The following PXDN variants were observed in gnomAD, a reference collection of about 807,000 sequenced individuals.
The protein encoded by PXDN is peroxidasin.
In PXDN, 77 loss-of-function variants were observed where a neutral mutation model predicts 140.3. The observed-to-expected ratio is 0.55, with a 90% confidence interval of 0.46 to 0.66. The LOEUF is 0.66. Ranked by LOEUF, PXDN falls within the 30% of genes least tolerant of loss-of-function variation. The probability of loss-of-function intolerance (pLI) is 0.00; values close to 1 mark genes in which losing one functional copy is unlikely to be tolerated. For missense variants in PXDN, 1,838 were observed against 2,039.5 expected (o/e 0.90, Z 1.90); for synonymous variants, 911 against 857.4 (o/e 1.06, Z -1.09).
chr2:1,674,609 A>G (rs1160682866), intron 8 of PXDN, among the ~76,000 whole-genome samples: 1 of 152,050 alleles, frequency 6.6e-6, no homozygotes, highest in African/African-American at 2.4e-5. Context: ...GCCGCCTCTC[A>G]CCCTCACCCC....
At chr2:1,682,841 G>C (rs1192530040) in intron 6 of PXDN, among the ~76,000 whole-genome samples, 1 of 152,126 alleles carries the variant, frequency 6.6e-6, no homozygotes, top group East Asian at 1.9e-4. Context: ...TAGGGAGGCT[G>C]AGGCACGAGA....
chr2:1,691,677 A>G (rs1286588408), intron 3 of PXDN, among the ~76,000 whole-genome samples: 1 of 152,170 alleles, frequency 6.6e-6, no homozygotes, highest in Non-Finnish European at 1.5e-5. Flanking sequence ...GAGGCTGTGC[A>G]TTTTCATTTT....
intron 7 of PXDN, among the ~76,000 whole-genome samples, chr2:1,678,465 A>G (rs544996572): frequency 7.9e-5 from 12 of 152,228 alleles, no homozygotes; most frequent in Non-Finnish European, 1.5e-4. Context: ...CGATAAAGCT[A>G]TTATAAAAAA....
At chr2:1,737,162 G>C (rs935988957) in intron 1 of PXDN, among the ~76,000 whole-genome samples, 2 of 152,140 alleles carry the variant, frequency 1.3e-5, no homozygotes, top group African/African-American at 4.8e-5. Flanking sequence ...AGTCAGATCT[G>C]GAATAAACAA....
At chr2:1,719,401 CATA>C (rs1684966355) in intron 1 of PXDN, among the ~76,000 whole-genome samples, 2 of 152,318 alleles carry the variant, frequency 1.3e-5, no homozygotes, top group East Asian at 3.9e-4. Flanking sequence ...CGAATCCTTA[CATA>C]AACCACACAA....
chr2:1,684,262 C>T, intron 4 of PXDN, 111 bp from the exon 5 acceptor site: 1 of 784,988 alleles, frequency 1.3e-6, no homozygotes, highest in East Asian at 2.7e-5. Context: ...CAATAGATAG[C>T]TCACTCACTA....
At chr2:1,666,691 G>A (rs1332959970) in intron 9 of PXDN, among the ~76,000 whole-genome samples, 1 of 152,178 alleles carries the variant, frequency 6.6e-6, no homozygotes, top group Non-Finnish European at 1.5e-5. Context: ...TGCAGGCCAC[G>A]TGAGAAAAGT....
At chr2:1,694,500 G>A (rs923057939) in intron 1 of PXDN, among the ~76,000 whole-genome samples, 1 of 152,108 alleles carries the variant, frequency 6.6e-6, no homozygotes, top group South Asian at 2.1e-4. Flanking sequence ...AGGAGAAGGG[G>A]AAGGCGGCCC....
At chr2:1,721,752 AGGAG>A (rs1419729244) in intron 1 of PXDN, among the ~76,000 whole-genome samples, 1 of 152,154 alleles carries the variant, frequency 6.6e-6, no homozygotes, top group Non-Finnish European at 1.5e-5. Context: ...GCGTGAACCC[AGGAG>A]GTGGAGCTTG....
At chr2:1,684,468 T>C (rs1189845717) in intron 4 of PXDN, among the ~76,000 whole-genome samples, 4 of 152,112 alleles carry the variant, frequency 2.6e-5, no homozygotes, top group Non-Finnish European at 5.9e-5. Flanking sequence ...ACTTCCAAAA[T>C]ATATGGAAAA....
At chr2:1,675,257 G>T (rs906406998) in intron 8 of PXDN, among the ~76,000 whole-genome samples, 11 of 152,158 alleles carry the variant, frequency 7.2e-5, no homozygotes, top group African/African-American at 2.4e-4. Flanking sequence ...GGTGAGACTC[G>T]AGCTGGTGGA....
At chr2:1,711,588 ACC>A (rs1684785190) in intron 1 of PXDN, among the ~76,000 whole-genome samples, 1 of 38,560 alleles carries the variant, frequency 2.6e-5, no homozygotes, top group South Asian at 9.5e-4. Flanking sequence ...CACCCACTCC[ACC>A]AGCACCCACT....
At chr2:1,740,520 A>C (rs1443735788) in intron 1 of PXDN, among the ~76,000 whole-genome samples, 1 of 151,916 alleles carries the variant, frequency 6.6e-6, no homozygotes, top group Non-Finnish European at 1.5e-5. Flanking sequence ...GGAGACCCAC[A>C]GAGCAGCAAC....
intron 1 of PXDN, among the ~76,000 whole-genome samples, chr2:1,719,833 A>ATT (rs1247722749): frequency 0.041 from 3,798 of 92,502 alleles, 117 homozygotes; most frequent in Admixed American, 0.062. Flanking sequence ...ACATGCGTGC[A>ATT]TTGTGTGTGT....
chr2:1,675,696 T>C (rs113034759), intron 8 of PXDN, among the ~76,000 whole-genome samples: 2,549 of 152,272 alleles, frequency 0.017, 73 homozygotes, highest in African/African-American at 0.058. Context: ...CTCCTGTCCA[T>C]CTCTTCTATA....
At chr2:1,658,867 T>C (rs1683236983) in intron 14 of PXDN, among the ~76,000 whole-genome samples, 1 of 147,080 alleles carries the variant, frequency 6.8e-6, no homozygotes, top group Non-Finnish European at 1.5e-5. Flanking sequence ...CAGAATTCAA[T>C]ACGCAGGCGA....
In PXDN at chr2:1,714,163, T is replaced by C. The variant is rs888905222; in HGVS notation, c.201-21029A>G. ...CCATCCACATCCAGGATACTGTTTTTTTCAACTACCTCATTTATTGCTCTT... is the reference window on the plus strand; with the variant it reads ...CCATCCACATCCAGGATACTGTTTTCTTCAACTACCTCATTTATTGCTCTT... On this transcript the variant is annotated intron_variant, in intron 1 of 22. Coordinates refer to ENST00000252804, the MANE Select transcript of PXDN (RefSeq NM_012293.3). This position sits in a 1 kb window ranked among gnomAD's most constrained non-coding sequence, Gnocchi z 4.3. Among the ~76,000 whole-genome samples the C allele has an allele frequency of 2.0e-5, 3 of 152,244 alleles. No individual in the cohort carries two copies. Among genetic ancestry groups the C allele is most frequent in the African/African-American group, 4.8e-5 (2 of 41,476 alleles).
In PXDN at chr2:1,687,489, C is replaced by T. The variant is rs1251503746; in HGVS notation, c.416+143G>A. On this transcript the variant is annotated intron_variant, in intron 4 of 22. Coordinates refer to ENST00000252804, the MANE Select transcript of PXDN (RefSeq NM_012293.3). This position sits in a 1 kb window ranked among gnomAD's most constrained non-coding sequence, Gnocchi z 4.0. ...AAATGACTCGCCCATCCCTGTTTTTCCGTCATCATGCACGTACTCCCCGCA... is the reference window on the plus strand; with the variant it reads ...AAATGACTCGCCCATCCCTGTTTTTTCGTCATCATGCACGTACTCCCCGCA... 3.8e-6 allele frequency: 2 copies of T among 530,760 alleles called. No homozygotes were observed. Among genetic ancestry groups the T allele is most frequent in the African/African-American group, 3.9e-5 (2 of 51,800 alleles). The allele number at this position is 530,760 out of a possible 1,614,324, so 32.9% of individuals were successfully genotyped here. A position where few individuals can be genotyped will look rare whatever the true frequency, so the allele number is the denominator to read the frequency against.
chr2:1,744,001 G>C (rs910905374), intron 1 of PXDN, among the ~76,000 whole-genome samples: 2 of 152,126 alleles, frequency 1.3e-5, no homozygotes, highest in African/African-American at 4.8e-5. Flanking sequence ...AGGCGGCTAC[G>C]AAGGCCGCGC....
Sources: allele counts gnomAD v4.1 joint callset (sites outside exome capture counted in the v4.1 genomes callset), GRCh38; gene constraint gnomAD v4.1.1; non-coding constraint Gnocchi (gnomAD v3.1); transcripts MANE v1.5; gene names NCBI Gene and HGNC (gene_info 2026-07-23, HGNC 2026-07-21).